The following RHBDL2 variants were observed in gnomAD, a reference collection of about 807,000 sequenced individuals.
RHBDL2 encodes rhomboid like 2.
A neutral mutation model predicts 31.7 loss-of-function variants in RHBDL2; 26 were observed. The observed-to-expected ratio is 0.82, with a 90% CI of 0.60 to 1.14. RHBDL2 has a LOEUF of 1.14. Among genes scored for constraint, RHBDL2 ranks in the 50% most tolerant of loss-of-function variants. The pLI is 0.00. For missense variants in RHBDL2, 336 were observed against 364.4 expected (o/e 0.92, Z 0.63); for synonymous variants, 123 against 127.2 (o/e 0.97, Z 0.22).
At chr1:38,893,287 C>T (rs1221711020) in intron 5 of RHBDL2, 63 bp from the exon 6 acceptor site, 15 of 770,970 alleles carry the variant, frequency 1.9e-5, no homozygotes, top group Non-Finnish European at 3.1e-5. Context: ...CTCAACTCTA[C>T]TCCCTCTTCA....
intron 1 of RHBDL2, chr1:38,926,336 C>CCTCAGTGCTGCTGCTGCTGA: frequency 2.9e-6 from 1 of 347,148 alleles, no homozygotes; most frequent in Non-Finnish European, 4.2e-6. Context: ...GGGCGTTCAG[C>CCTCAGTGCTGCTGCTGCTGA]AGCAGCAGCA....
intron 1 of RHBDL2, chr1:38,926,348 T>A: frequency 3.7e-6 from 1 of 270,328 alleles, no homozygotes; most frequent in Non-Finnish European, 5.8e-6. Context: ...GCAGCAGCAC[T>A]GAGGCTGTCC....
chr1:38,935,184 C>G (rs1643483243), intron 1 of RHBDL2, among the ~76,000 whole-genome samples: 1 of 152,118 alleles, frequency 6.6e-6, no homozygotes, highest in Non-Finnish European at 1.5e-5. Flanking sequence ...GTTGGCAAAG[C>G]CTGTCCTCAC....
intron 4 of RHBDL2, among the ~76,000 whole-genome samples, chr1:38,899,823 A>G (rs749654848): frequency 5.3e-5 from 8 of 150,844 alleles, no homozygotes; most frequent in Non-Finnish European, 1.0e-4. Context: ...CAGTCCTGCA[A>G]TCTCATGGCC....
intron 5 of RHBDL2, among the ~76,000 whole-genome samples, chr1:38,894,947 C>T (rs1642898835): frequency 6.6e-6 from 1 of 152,114 alleles, no homozygotes; most frequent in South Asian, 2.1e-4. Context: ...CCTCATGATC[C>T]ACTCACCTTG....
chr1:38,918,338 T>C (rs141083025), intron 2 of RHBDL2, among the ~76,000 whole-genome samples: 1 of 152,118 alleles, frequency 6.6e-6, no homozygotes, highest in Non-Finnish European at 1.5e-5. Context: ...AGTTCCTTTA[T>C]AGGACATCAA....
At chr1:38,927,539 A>G (rs370791759) in intron 1 of RHBDL2, among the ~76,000 whole-genome samples, 157 of 152,290 alleles carry the variant, frequency 1.0e-3, no homozygotes, top group African/African-American at 3.7e-3. Flanking sequence ...CTGCCATGTC[A>G]TAATGGCTAC....
intron 1 of RHBDL2, among the ~76,000 whole-genome samples, chr1:38,923,794 TACTC>T (rs1188840711): frequency 3.3e-5 from 5 of 152,336 alleles, no homozygotes; most frequent in Admixed American, 2.6e-4. Context: ...TCTGCTTTCT[TACTC>T]ACTAAGCAAA....
At chr1:38,906,729 G>A (rs1643072319) in intron 4 of RHBDL2, among the ~76,000 whole-genome samples, 1 of 151,392 alleles carries the variant, frequency 6.6e-6, no homozygotes, top group Non-Finnish European at 1.5e-5. Flanking sequence ...TACTAGCAAT[G>A]AAATTATGGA....
intron 4 of RHBDL2, among the ~76,000 whole-genome samples, chr1:38,906,400 C>A (rs910689832): frequency 6.6e-6 from 1 of 152,048 alleles, no homozygotes; most frequent in African/African-American, 2.4e-5. Flanking sequence ...ACAGGCCGGG[C>A]GCAGTGGCTC....
At position 38,915,638 on chromosome 1, in the gene RHBDL2, C is replaced by T. The variant is rs568747881; in HGVS notation, c.319G>A (p.Glu107Lys). Residue 107 changes from glutamate (E) to lysine (K), a missense_variant, in exon 3 of 8, where the codon GAG (glutamate) becomes AAG (lysine). Coordinates refer to ENST00000372990, the MANE Select transcript of RHBDL2 (RefSeq NM_017821.5). Reference sequence around the variant, plus strand: ...TCAGGACTGTAGATAAAGGGACTCTCCAAGATGCCTGTGTCCAACGTGATC... The same window carrying T: ...TCAGGACTGTAGATAAAGGGACTCTTCAAGATGCCTGTGTCCAACGTGATC... ...QWITLDTGIL[E>K]SPFIYSPEKR... 1 of 1,614,138 alleles carries T rather than the reference C, an allele frequency of 6.2e-7. No homozygotes were observed. Among genetic ancestry groups the T allele is most frequent in the East Asian group, 2.2e-5 (1 of 44,878 alleles).
At chr1:38,908,609 C>A (rs1016799949) in intron 4 of RHBDL2, among the ~76,000 whole-genome samples, 1 of 151,276 alleles carries the variant, frequency 6.6e-6, no homozygotes, top group South Asian at 2.1e-4. Context: ...GCAGGGCGTG[C>A]GATGGGGGTG....
chr1:38,898,079 T>C lies in RHBDL2; in HGVS notation c.509-2010A>G, dbSNP rs542743138. On this transcript the variant is annotated intron_variant, in intron 4 of 7. Transcript: ENST00000372990. Reference sequence around the variant, plus strand: ...CCTGGAGGTGGAGGTTGCAGTGAGCTGAGATGGCGCCACTGCACCCCAGCC... The same window carrying C: ...CCTGGAGGTGGAGGTTGCAGTGAGCCGAGATGGCGCCACTGCACCCCAGCC... 7.2e-3 allele frequency among the ~76,000 whole-genome samples: 1,096 copies of C among 152,212 alleles called. 13 individuals carry two copies. Among genetic ancestry groups the C allele is most frequent in the Non-Finnish European group, 9.4e-3 (638 of 68,006 alleles).
At chr1:38,930,272 C>G (rs1424522508) in intron 1 of RHBDL2, among the ~76,000 whole-genome samples, 1 of 152,178 alleles carries the variant, frequency 6.6e-6, no homozygotes, top group Non-Finnish European at 1.5e-5. Flanking sequence ...ACCACTTTCG[C>G]TTTTATTATT....
intron 1 of RHBDL2, chr1:38,926,248 C>A: frequency 1.9e-6 from 2 of 1,062,612 alleles, no homozygotes; most frequent in Non-Finnish European, 2.3e-6. Context: ...TATCCAGTGT[C>A]CAGACGCCTT....
chr1:38,910,611 G>T (rs1189232087), intron 4 of RHBDL2, among the ~76,000 whole-genome samples: 3 of 152,090 alleles, frequency 2.0e-5, no homozygotes, highest in Non-Finnish European at 4.4e-5. Flanking sequence ...TCTTAAAGTT[G>T]TCTTTCTTAA....
intron 4 of RHBDL2, among the ~76,000 whole-genome samples, chr1:38,900,935 C>A (rs924042684): frequency 6.6e-6 from 1 of 151,402 alleles, no homozygotes. Flanking sequence ...GTAGTCCCAG[C>A]TACTTGGGAG....
intron 2 of RHBDL2, among the ~76,000 whole-genome samples, chr1:38,918,629 G>C (rs765802549): frequency 6.6e-6 from 1 of 152,128 alleles, no homozygotes; most frequent in African/African-American, 2.4e-5. Context: ...GCCTAAATCG[G>C]TTCATGAGAG....
In RHBDL2 at chr1:38,886,512, C is replaced by T. The variant is rs1642786548; in HGVS notation, c.904G>A (p.Ala302Thr). 2 of 1,575,376 alleles carry T rather than the reference C, an allele frequency of 1.3e-6. No individual in the cohort carries two copies. The highest frequency in any genetic ancestry group is 1.7e-6 in the Non-Finnish European group (2 of 1,155,222). Reference protein sequence around the residue: ...AVFFNIFLSPAN With the variant: ...AVFFNIFLSPTN ...CTTACAATAGGGGCAGGTCAGTTTG[C>T]TGGAGATAGGAAAATGTTGAAAAAC... Residue 302 changes from alanine to threonine, a missense_variant, in exon 8 of 8, where the codon GCA becomes ACA. Coordinates refer to ENST00000372990, the MANE Select transcript of RHBDL2 (RefSeq NM_017821.5).
Sources: allele counts gnomAD v4.1 joint callset (sites outside exome capture counted in the v4.1 genomes callset), GRCh38; gene constraint gnomAD v4.1.1; transcripts MANE v1.5; gene names NCBI Gene and HGNC (gene_info 2026-07-23, HGNC 2026-07-21).